The following MYL10 variants were observed in gnomAD, a reference collection of about 807,000 sequenced individuals.
MYL10 encodes the protein myosin regulatory light chain 10.
In MYL10, 18 loss-of-function variants were observed where a neutral mutation model predicts 21.9. The ratio of observed to expected loss-of-function variants is 0.82; its 90% CI spans 0.57 to 1.22. The LOEUF (loss-of-function observed/expected upper bound fraction) is 1.22, where lower values mean the gene tolerates loss of function less well. Ranked by LOEUF, MYL10 falls within the 50% of genes most tolerant of loss-of-function variation. The pLI is 0.00. For missense variants in MYL10, 225 were observed against 230.4 expected (o/e 0.98, Z 0.15); for synonymous variants, 88 against 82.8 (o/e 1.06, Z -0.34).
intron 5 of MYL10, among the ~76,000 whole-genome samples, chr7:101,619,245 C>A (rs1340947677): frequency 6.6e-6 from 1 of 152,212 alleles, no homozygotes; most frequent in African/African-American, 2.4e-5. Context: ...TCTCTCCCGG[C>A]CTCCTGGGCT....
intron 5 of MYL10, among the ~76,000 whole-genome samples, chr7:101,620,249 T>C (rs1240717779): frequency 6.6e-6 from 1 of 152,048 alleles, no homozygotes; most frequent in African/African-American, 2.4e-5. Flanking sequence ...CGCTTGAACC[T>C]TGGAGGCGGA....
chr7:101,623,108 C>CT, intron 3 of MYL10, 36 bp from the exon 4 acceptor site: 1 of 1,590,586 alleles, frequency 6.3e-7, no homozygotes, highest in South Asian at 1.1e-5. Flanking sequence ...GTCACCTGCC[C>CT]TTCCAAGCCC....
At chr7:101,620,450 C>G (rs1363215840) in intron 5 of MYL10, among the ~76,000 whole-genome samples, 1 of 152,222 alleles carries the variant, frequency 6.6e-6, no homozygotes, top group Non-Finnish European at 1.5e-5. Context: ...ACAACGGATT[C>G]TCCCCAAATC....
intron 5 of MYL10, among the ~76,000 whole-genome samples, chr7:101,621,788 A>G (rs1796680807): frequency 1.3e-5 from 2 of 152,004 alleles, no homozygotes; most frequent in African/African-American, 4.8e-5. Context: ...GTTTCATTAT[A>G]TCACCCAGGC....
At chr7:101,622,067 C>G (rs750656435) in intron 5 of MYL10, 29 bp downstream of exon 5, 52 of 1,561,518 alleles carry the variant, frequency 3.3e-5, no homozygotes, top group South Asian at 5.6e-5. Flanking sequence ...TCCCTGCTGC[C>G]CCTCCAGGAC....
chr7:101,625,635 A>G (rs1483333346), intron 1 of MYL10, among the ~76,000 whole-genome samples: 1 of 152,026 alleles, frequency 6.6e-6, no homozygotes, highest in Non-Finnish European at 1.5e-5. Context: ...CGGCTGACTT[A>G]TAATTAGCTT....
intron 5 of MYL10, among the ~76,000 whole-genome samples, chr7:101,617,224 C>T (rs912469184): frequency 3.3e-5 from 5 of 152,352 alleles, no homozygotes; most frequent in East Asian, 1.9e-4. Flanking sequence ...AGAGATGGTG[C>T]TTGCTACCCA....
chr7:101,622,053 C>A (rs754274104), intron 5 of MYL10, 43 bp downstream of exon 5: 3 of 1,478,812 alleles, frequency 2.0e-6, no homozygotes, highest in Admixed American at 1.7e-5. Context: ...CGTCCCCCTG[C>A]CATTCCCTGC....
chr7:101,617,807 C>G (rs186156264), intron 5 of MYL10, among the ~76,000 whole-genome samples: 2 of 151,706 alleles, frequency 1.3e-5, no homozygotes, highest in Non-Finnish European at 2.9e-5. Flanking sequence ...TGTGTCTCCC[C>G]GATCAGACTG....
At chr7:101,626,954 G>A (rs1796753382) in intron 1 of MYL10, among the ~76,000 whole-genome samples, 1 of 152,090 alleles carries the variant, frequency 6.6e-6, no homozygotes, top group South Asian at 2.1e-4. Context: ...AGGAGGTGAA[G>A]GTCAGAATCA....
chr7:101,627,057 C>T (rs1286893482), intron 1 of MYL10, among the ~76,000 whole-genome samples: 2 of 151,380 alleles, frequency 1.3e-5, no homozygotes, highest in Non-Finnish European at 2.9e-5. Context: ...TCTGGGAGGC[C>T]GAAGCGGGTG....
chr7:101,613,818 C>G lies in MYL10; in HGVS notation c.534-108G>C. ...AGTGGGGGCAGGGGGACATCCTGGA[C>G]CAGGAGGACATCAACCTGGGGCTGA... On this transcript the variant is annotated intron_variant, in intron 6 of 7. Transcript: ENST00000223167. The G allele has an allele frequency of 3.7e-6, 4 of 1,078,996 alleles. No individual in the cohort carries two copies. In the South Asian group the frequency reaches 5.2e-5, roughly 14 times the overall value. 66.8% of individuals were successfully genotyped at this position (1,078,996 alleles called of 1,614,324 possible).
chr7:101,620,531 G>T (rs143353986), intron 5 of MYL10, among the ~76,000 whole-genome samples: 40 of 152,308 alleles, frequency 2.6e-4, no homozygotes, highest in African/African-American at 8.9e-4. Flanking sequence ...TGAGCCACCT[G>T]GTTTCACAGA....
intron 6 of MYL10, among the ~76,000 whole-genome samples, chr7:101,615,729 C>A (rs1584536673): frequency 6.9e-6 from 1 of 145,386 alleles, no homozygotes; most frequent in Admixed American, 7.0e-5. Context: ...CAGTCTCACT[C>A]TGTCGCCCAG....
intron 6 of MYL10, 149 bp downstream of exon 6, chr7:101,616,071 G>T (rs930714385): frequency 4.7e-6 from 3 of 637,058 alleles, no homozygotes; most frequent in Non-Finnish European, 2.9e-6. Context: ...CCAGAGAGGG[G>T]AAGGGACATC....
chr7:101,627,146 A>C (rs2130745757), intron 1 of MYL10, among the ~76,000 whole-genome samples: 1 of 151,870 alleles, frequency 6.6e-6, no homozygotes, highest in East Asian at 1.9e-4. Context: ...ACAAAAAAAA[A>C]AAAATAGCCA....
intron 1 of MYL10, among the ~76,000 whole-genome samples, chr7:101,625,500 C>T (rs1283229661): frequency 1.3e-5 from 2 of 151,976 alleles, no homozygotes; most frequent in African/African-American, 4.8e-5. Flanking sequence ...CCCACCAGAG[C>T]AGAGGAGTCC....
At chr7:101,616,840 C>T (rs1796615311) in intron 5 of MYL10, among the ~76,000 whole-genome samples, 1 of 152,192 alleles carries the variant, frequency 6.6e-6, no homozygotes, top group African/African-American at 2.4e-5. Flanking sequence ...ATTGTCCCGG[C>T]CAGAAGTGGG....
chr7:101,625,467 T>A (rs2130744163), intron 1 of MYL10, among the ~76,000 whole-genome samples: 1 of 152,220 alleles, frequency 6.6e-6, no homozygotes, highest in Admixed American at 6.5e-5. Flanking sequence ...CACCCTCTCC[T>A]GCCAAGCCCT....
Sources: allele counts gnomAD v4.1 joint callset (sites outside exome capture counted in the v4.1 genomes callset), GRCh38; gene constraint gnomAD v4.1.1; transcripts MANE v1.5; gene names NCBI Gene and HGNC (gene_info 2026-07-23, HGNC 2026-07-21).